Variants in RIMBP2 observed in about 807,000 individuals in gnomAD.
RIMBP2 encodes the protein RIMS binding protein 2, also known as RIMS-binding protein 2.
In RIMBP2, 48 loss-of-function variants were observed where a neutral mutation model predicts 118.6. The ratio of observed to expected loss-of-function variants is 0.40; its 90% confidence interval spans 0.32 to 0.51. RIMBP2 has a LOEUF of 0.51. Among genes scored for constraint, RIMBP2 ranks in the 20% least tolerant of loss-of-function variants. The pLI is 0.41. For missense variants in RIMBP2, 1,551 were observed against 1,768.3 expected (o/e 0.88, Z 2.20); for synonymous variants, 762 against 742.9 (o/e 1.03, Z -0.42).
chr12:130,435,050 CTTTTTT>C (rs375104659), intron 13 of RIMBP2, among the ~76,000 whole-genome samples, 170 bp from the exon 14 acceptor site: 1 of 144,464 alleles, frequency 6.9e-6, no homozygotes, highest in Non-Finnish European at 1.5e-5. Context: ...CCACCAGAAT[CTTTTTT>C]TTTTTTTGAG....
chr12:130,466,826 A>G (rs149295613), intron 6 of RIMBP2, among the ~76,000 whole-genome samples: 5 of 152,364 alleles, frequency 3.3e-5, no homozygotes, highest in African/African-American at 1.2e-4. Context: ...AGACAAAGGT[A>G]TATCTGATTG....
chr12:130,470,328 T>C (rs2080894741), intron 6 of RIMBP2: 2 of 199,440 alleles, frequency 1.0e-5, no homozygotes, highest in Admixed American at 6.0e-5. Flanking sequence ...CCACCGGCCT[T>C]TACCCCTGGG....
At chr12:130,544,513 G>A (rs1297586679) in intron 2 of RIMBP2, among the ~76,000 whole-genome samples, 4 of 151,594 alleles carry the variant, frequency 2.6e-5, no homozygotes, top group Admixed American at 6.6e-5. Flanking sequence ...ATCTTAGCAC[G>A]CTGGTCATGT....
chr12:130,707,706 G>A lies in RIMBP2; in HGVS notation c.-352+8516C>T, dbSNP rs571766872. The stretch of plus-strand genomic sequence containing the variant: ...GACTTGCAGGCAGAGGTGGACACAG[G>A]AGGCCTGGGGGCGCTGAGGCAGTGT... On this transcript the variant is annotated intron_variant, in intron 1 of 22. Transcript: ENST00000690449. Among the ~76,000 whole-genome samples, 34 of 152,286 alleles carry A rather than the reference G, an allele frequency of 2.2e-4. No individual in the cohort carries two copies. The South Asian group carries it at 2.9e-3, about 13-fold the overall frequency.
In RIMBP2 at chr12:130,422,946, T is replaced by C. The variant is rs1161762782; in HGVS notation, c.3130-385A>G. On this transcript the variant is annotated intron_variant, in intron 16 of 22. Coordinates refer to ENST00000690449, the MANE Select transcript of RIMBP2 (RefSeq NM_001393629.1). This position sits in a 1 kb window ranked among gnomAD's most constrained non-coding sequence, Gnocchi z 5.2. Reference sequence around the variant, plus strand: ...TCTCCACATGCCCCCCTCCCAGCTGTCACGAAAGTGGGGAAGATGTTGCAG... The same window carrying C: ...TCTCCACATGCCCCCCTCCCAGCTGCCACGAAAGTGGGGAAGATGTTGCAG... Among the ~76,000 whole-genome samples the C allele has an allele frequency of 1.3e-5, 2 of 152,200 alleles. No homozygotes were observed. The highest frequency in any genetic ancestry group is 2.4e-5 in the African/African-American group (1 of 41,442).
At chr12:130,489,795 G>A (rs1303470873) in intron 4 of RIMBP2, among the ~76,000 whole-genome samples, 23 of 152,156 alleles carry the variant, frequency 1.5e-4, no homozygotes, top group Admixed American at 1.4e-3. Flanking sequence ...CCGGTAGACT[G>A]AAGGAAAAGG....
chr12:130,437,196 G>A lies in RIMBP2; in HGVS notation c.1752C>T (p.Leu584=), dbSNP rs949433244. 1.3e-6 allele frequency: 2 copies of A among 1,586,632 alleles called. No homozygotes were observed. Among genetic ancestry groups the A allele is most frequent in the Non-Finnish European group, 1.7e-6 (2 of 1,169,120 alleles). The change falls in exon 13 of 23, where the codon CTC becomes CTT. Residue 584 remains leucine (L), a synonymous_variant. Transcript: ENST00000690449. Reference sequence around the variant, plus strand: ...AGTCCACGGACTCGCCCTGGGCGGAGAGGGTCCGCACGGTCACGCCCTTGG... The same window carrying A: ...AGTCCACGGACTCGCCCTGGGCGGAAAGGGTCCGCACGGTCACGCCCTTGG... The part of the protein sequence containing the change: ...LEAKGVTVRT[L]SAQGESVDSA...
In RIMBP2 at chr12:130,617,217, G is replaced by A. The variant is rs1318704191; in HGVS notation, c.-217+11105C>T. Among the ~76,000 whole-genome samples, 3 of 140,684 alleles carry A rather than the reference G, an allele frequency of 2.1e-5. No homozygotes were observed. The highest frequency in any genetic ancestry group is 4.6e-5 in the Non-Finnish European group (3 of 65,656). 92.3% of individuals were successfully genotyped at this position (140,684 alleles called of 152,430 possible). On this transcript the variant is annotated intron_variant, in intron 2 of 22. Coordinates refer to ENST00000690449, the MANE Select transcript of RIMBP2 (RefSeq NM_001393629.1). The surrounding 1 kb of genome is among the most constrained non-coding windows in gnomAD (Gnocchi z 4.6). ...GAGTTAGTGCTGCCACCTCCATCCA[G>A]CACACAAGGGATGCAAGGCTTAGGG...
At chr12:130,593,645 C>G (rs2059404263) in intron 2 of RIMBP2, among the ~76,000 whole-genome samples, 1 of 152,182 alleles carries the variant, frequency 6.6e-6, no homozygotes. Context: ...CATGTCCAGT[C>G]TGATTTTATG....
chr12:130,606,804 C>T (rs961589226), intron 2 of RIMBP2, among the ~76,000 whole-genome samples: 2 of 152,084 alleles, frequency 1.3e-5, no homozygotes, highest in African/African-American at 4.8e-5. Context: ...TGTCTCCAGG[C>T]CGCAACAGTC....
chr12:130,509,711 C>A (rs1343357643), intron 3 of RIMBP2, among the ~76,000 whole-genome samples: 4 of 150,976 alleles, frequency 2.6e-5, no homozygotes, highest in African/African-American at 9.9e-5. Context: ...TGCAGGTGTC[C>A]TGCCCATGCC....
intron 21 of RIMBP2, among the ~76,000 whole-genome samples, chr12:130,403,607 A>G (rs2074867222): frequency 1.3e-5 from 2 of 152,196 alleles, no homozygotes. Context: ...AACCTAAAGG[A>G]TCTCTCTCTG....
intron 5 of RIMBP2, among the ~76,000 whole-genome samples, chr12:130,473,660 C>T (rs1356169589): frequency 1.3e-5 from 2 of 152,150 alleles, no homozygotes; most frequent in Non-Finnish European, 2.9e-5. Flanking sequence ...GGAACTATGC[C>T]GAGGGCTACA....
At chr12:130,408,910 T>C (rs1275108087) in intron 19 of RIMBP2, among the ~76,000 whole-genome samples, 1 of 152,194 alleles carries the variant, frequency 6.6e-6, no homozygotes, top group Non-Finnish European at 1.5e-5. Context: ...ATTCCAGCGA[T>C]TACTCTCCCC....
At chr12:130,451,633 G>T (rs2079021257) in intron 7 of RIMBP2, among the ~76,000 whole-genome samples, 1 of 152,156 alleles carries the variant, frequency 6.6e-6, no homozygotes, top group South Asian at 2.1e-4. Context: ...TGGCAAACAG[G>T]CTGCTCCTTT....
intron 3 of RIMBP2, among the ~76,000 whole-genome samples, chr12:130,514,791 C>T (rs1294695136): frequency 6.6e-6 from 1 of 152,154 alleles, no homozygotes; most frequent in Non-Finnish European, 1.5e-5. Context: ...GTGAGTTTAG[C>T]AGAGCCTTTC....
chr12:130,619,771 C>G (rs1265210426), intron 2 of RIMBP2, among the ~76,000 whole-genome samples: 5 of 152,184 alleles, frequency 3.3e-5, no homozygotes, highest in Non-Finnish European at 5.9e-5. Flanking sequence ...TTTGTTTGCA[C>G]CGGGGAGCTG....
intron 2 of RIMBP2, among the ~76,000 whole-genome samples, chr12:130,537,518 G>A (rs1188550801): frequency 1.3e-5 from 2 of 152,158 alleles, no homozygotes; most frequent in Non-Finnish European, 2.9e-5. Context: ...CCTCTTTGAA[G>A]TCTCACTTCC....
rs966203365 is a variant in RIMBP2 at position 130,621,295 on chromosome 12, C to CT, written c.-217+7026dup. ...CCATGGTCGTACACAGCCCTGCTGG[C>CT]TTTTTGGGCCTAACTGTAGATATGA... On this transcript the variant is annotated intron_variant, in intron 2 of 22. Coordinates refer to ENST00000690449, the MANE Select transcript of RIMBP2 (RefSeq NM_001393629.1). This position sits in a 1 kb window ranked among gnomAD's most constrained non-coding sequence, Gnocchi z 6.6. Among the ~76,000 whole-genome samples, 2 of 152,122 alleles carry CT rather than the reference C, an allele frequency of 1.3e-5. No individual in the cohort carries two copies.
Sources: allele counts gnomAD v4.1 joint callset (sites outside exome capture counted in the v4.1 genomes callset), GRCh38; gene constraint gnomAD v4.1.1; non-coding constraint Gnocchi (gnomAD v3.1); transcripts MANE v1.5; gene names NCBI Gene and HGNC (gene_info 2026-07-23, HGNC 2026-07-21).